ATP10B: variants seen among roughly 807,000 people sequenced by gnomAD.
The protein encoded by ATP10B is ATPase phospholipid transporting 10B (putative).
Under a neutral mutation model 141.2 loss-of-function variants are expected in ATP10B, and 122 were observed. The observed-to-expected ratio is 0.86, with a 90% confidence interval of 0.75 to 1.00. ATP10B has a LOEUF of 1.00. Among genes scored for constraint, ATP10B ranks in the 50% least tolerant of loss-of-function variants. ATP10B has a pLI of 0.00. For synonymous variants in ATP10B, 685 were observed against 692.0 expected (o/e 0.99, Z 0.16); for missense variants, 1,876 against 1,825.3 (o/e 1.03, Z -0.51).
chr5:160,615,967 A>T lies in ATP10B; in HGVS notation c.2527-3T>A. ...CGGAAGTCCTCTTCGCTTACAACCTATGGGATGGGAAAAGGCTCCTTAACA... is the reference window on the plus strand; with the variant it reads ...CGGAAGTCCTCTTCGCTTACAACCTTTGGGATGGGAAAAGGCTCCTTAACA... On this transcript the variant is annotated splice_polypyrimidine_tract_variant and splice_region_variant and intron_variant, in intron 16 of 25. Transcript: ENST00000327245. The T allele has an allele frequency of 6.2e-7, 1 of 1,610,808 alleles. No homozygotes were observed. The highest frequency in any genetic ancestry group is 8.5e-7 in the Non-Finnish European group (1 of 1,177,450).
the ATP10B span, among the ~76,000 whole-genome samples, chr5:160,917,272 T>C: frequency 4.4e-5 from 6 of 137,398 alleles, no homozygotes; most frequent in Non-Finnish European, 8.0e-5. Flanking sequence ...GGTACTTCTT[T>C]TTTTTTTTTT....
chr5:160,811,903 G>T (rs1773178037), intron 1 of ATP10B, among the ~76,000 whole-genome samples: 1 of 152,132 alleles, frequency 6.6e-6, no homozygotes, highest in South Asian at 2.1e-4. Flanking sequence ...CCACTGCTGT[G>T]CTGGCTTCAT....
the ATP10B span, among the ~76,000 whole-genome samples, chr5:160,868,783 G>A: frequency 6.6e-6 from 1 of 152,098 alleles, no homozygotes; most frequent in African/African-American, 2.4e-5. Context: ...TTTGATAGGA[G>A]GGTCCTGGAA....
chr5:160,610,250 A>T (rs1032939762), intron 18 of ATP10B, among the ~76,000 whole-genome samples: 1 of 152,170 alleles, frequency 6.6e-6, no homozygotes, highest in African/African-American at 2.4e-5. Flanking sequence ...CTCTTGGATG[A>T]TTAGCCCTGA....
At chr5:160,768,119 G>T (rs1280524265) in intron 2 of ATP10B, among the ~76,000 whole-genome samples, 1 of 151,902 alleles carries the variant, frequency 6.6e-6, no homozygotes, top group African/African-American at 2.4e-5. Flanking sequence ...CTGGAATCTT[G>T]GTCATTACCA....
rs569479618 is a variant in ATP10B, at chr5:160,653,196, A to C, written c.676-3940T>G. ...ATATACAATATATTATATATACAAT[A>C]TATTATATACTATATATCATATATA... On this transcript the variant is annotated intron_variant, in intron 7 of 25. Coordinates refer to ENST00000327245, the MANE Select transcript of ATP10B (RefSeq NM_025153.3). Among the ~76,000 whole-genome samples the C allele has an allele frequency of 2.7e-3, 345 of 129,190 alleles. 22 individuals carry two copies. Among genetic ancestry groups the C allele is most frequent in the African/African-American group, 0.011 (333 of 31,356 alleles). 84.8% of individuals were successfully genotyped at this position (129,190 alleles called of 152,430 possible). A position where few individuals can be genotyped will look rare whatever the true frequency, so the allele number is the denominator to read the frequency against.
chr5:160,853,846 G>A (rs2127994538), upstream of ATP10B, among the ~76,000 whole-genome samples: 1 of 152,202 alleles, frequency 6.6e-6, no homozygotes, highest in Non-Finnish European at 1.5e-5. Flanking sequence ...TTTGGCTGCT[G>A]GAATTTTGTA....
the ATP10B span, among the ~76,000 whole-genome samples, chr5:160,925,985 GGTAATATAGCCCA>G: frequency 6.6e-6 from 1 of 152,202 alleles, no homozygotes; most frequent in Admixed American, 6.5e-5. Flanking sequence ...AGGATTGCCA[GGTAATATAGCCCA>G]GTAGAAGGCA....
chr5:160,648,466 T>G (rs1760454821), intron 8 of ATP10B, among the ~76,000 whole-genome samples: 1 of 152,182 alleles, frequency 6.6e-6, no homozygotes. Context: ...GGGCATTTAC[T>G]CACATCTGTT....
chr5:160,647,927 T>C (rs779706085), intron 8 of ATP10B, among the ~76,000 whole-genome samples: 9 of 152,176 alleles, frequency 5.9e-5, no homozygotes, highest in Middle Eastern at 6.8e-3. Flanking sequence ...TGAGGACATG[T>C]GGGTGGAAGA....
chr5:160,602,964 G>T, intron 20 of ATP10B: 1 of 349,164 alleles, frequency 2.9e-6, no homozygotes, highest in Non-Finnish European at 5.5e-6. Context: ...TATCCAGCAA[G>T]CATTGACTGT....
intron 24 of ATP10B, among the ~76,000 whole-genome samples, chr5:160,581,482 G>C (rs1181850120): frequency 2.0e-5 from 3 of 152,156 alleles, no homozygotes; most frequent in Non-Finnish European, 4.4e-5. Flanking sequence ...TTAATGCCGA[G>C]TTCTAATTTG....
Position 160,634,369 on chromosome 5 carries a change from A to G in ATP10B, c.1366T>C (p.Ser456Pro). 8.1e-6 allele frequency: 13 copies of G among 1,614,136 alleles called. No homozygotes were observed. The highest frequency in any genetic ancestry group is 1.1e-5 in the Non-Finnish European group (13 of 1,180,016). ...RRCTIMGSEYSHQENAKRLET... is the reference protein window; with the variant it reads ...RRCTIMGSEYPHQENAKRLET... ...GCTTCTATACCATTTTCTTGGTGAG[A>G]ATACTCGCTGCCCATGATGGTGCAA... Residue 456 changes from serine to proline, a missense_variant, in exon 12 of 26, where the codon TCT (serine) becomes CCT (proline). Physicochemically the swap from Ser to Pro is moderately conservative, Grantham distance 74 (BLOSUM62 -1). Transcript: ENST00000327245.
At chr5:160,810,009 G>A (rs2127945492) in intron 1 of ATP10B, among the ~76,000 whole-genome samples, 1 of 152,084 alleles carries the variant, frequency 6.6e-6, no homozygotes, top group East Asian at 1.9e-4. Flanking sequence ...CAAAATTGTT[G>A]ACCTGAAGTT....
intron 8 of ATP10B, among the ~76,000 whole-genome samples, chr5:160,646,983 C>T (rs1042627372): frequency 6.6e-6 from 1 of 152,154 alleles, no homozygotes. Context: ...GCCAACAGCA[C>T]CCCTCCCCAG....
At chr5:160,687,694 G>T in intron 5 of ATP10B, 106 bp downstream of exon 5, 1 of 1,285,014 alleles carries the variant, frequency 7.8e-7, no homozygotes, top group Non-Finnish European at 1.1e-6. Flanking sequence ...GAACCCAGGA[G>T]GTGAAGGTTG....
intron 2 of ATP10B, among the ~76,000 whole-genome samples, chr5:160,724,859 C>T (rs1042146836): frequency 1.1e-4 from 16 of 152,210 alleles, no homozygotes; most frequent in African/African-American, 3.9e-4. Flanking sequence ...CCTTTGTCCT[C>T]CTTCCTTGCA....
At chr5:160,798,641 T>C (rs759694196) in intron 1 of ATP10B, among the ~76,000 whole-genome samples, 43 of 152,114 alleles carry the variant, frequency 2.8e-4, no homozygotes, top group Non-Finnish European at 5.1e-4. Context: ...CTGCCAGAAC[T>C]GTGAACAAAT....
chr5:160,589,122 C>G (rs1756103215), intron 24 of ATP10B, among the ~76,000 whole-genome samples: 1 of 152,116 alleles, frequency 6.6e-6, no homozygotes. Context: ...AGCAATTTTC[C>G]TGCCTCAGCC....
Sources: allele counts gnomAD v4.1 joint callset (sites outside exome capture counted in the v4.1 genomes callset), GRCh38; gene constraint gnomAD v4.1.1; transcripts MANE v1.5; gene names NCBI Gene and HGNC (gene_info 2026-07-23, HGNC 2026-07-21).